The following CAPN9 variants were observed in gnomAD, a reference collection of about 807,000 sequenced individuals.
The protein encoded by CAPN9 is calpain-9.
CAPN9 carries 81 observed loss-of-function variants against 92.8 expected under a neutral mutation model. The ratio of observed to expected loss-of-function variants is 0.87; its 90% CI spans 0.73 to 1.05. The LOEUF (loss-of-function observed/expected upper bound fraction) is 1.05. Among genes scored for constraint, CAPN9 ranks in the 50% least tolerant of loss-of-function variants. The pLI, the probability that CAPN9 is intolerant of heterozygous loss-of-function variation, is 0.00. For synonymous variants in CAPN9, 304 were observed against 328.0 expected (o/e 0.93, Z 0.79); for missense variants, 848 against 866.2 (o/e 0.98, Z 0.26).
chr1:230,800,489 G>T (rs941351996), intron 19 of CAPN9, among the ~76,000 whole-genome samples: 1 of 152,110 alleles, frequency 6.6e-6, no homozygotes, highest in African/African-American at 2.4e-5. Context: ...CAGAGCACCA[G>T]CAGTGTGGAG....
At chr1:230,753,349 T>C (rs1267313253) in intron 1 of CAPN9, among the ~76,000 whole-genome samples, 1 of 152,136 alleles carries the variant, frequency 6.6e-6, no homozygotes, top group Non-Finnish European at 1.5e-5. Flanking sequence ...CTTTCTTGAG[T>C]ATTTTAGACA....
rs575240466 is a variant in CAPN9 at position 230,782,227 on chromosome 1, T to C, written c.1481+1519T>C. On this transcript the variant is annotated intron_variant, in intron 11 of 19. Transcript: ENST00000271971. Reference sequence around the variant, plus strand: ...CTGAACAAGATTCTTTAATCTGCTATGATATTGAGTATAAGAATCAGCTCT... The same window carrying C: ...CTGAACAAGATTCTTTAATCTGCTACGATATTGAGTATAAGAATCAGCTCT... Among the ~76,000 whole-genome samples the C allele has an allele frequency of 3.9e-5, 6 of 152,342 alleles. No individual in the cohort carries two copies. In the South Asian group the frequency reaches 1.2e-3, roughly 32 times the overall value.
chr1:230,795,148 C>G lies in CAPN9; in HGVS notation c.1871-15C>G. 6.4e-7 allele frequency: 1 copy of G among 1,566,516 alleles called. No individual in the cohort carries two copies. Among genetic ancestry groups the G allele is most frequent in the South Asian group, 1.1e-5 (1 of 90,084 alleles). On this transcript the variant is annotated splice_polypyrimidine_tract_variant and intron_variant, in intron 17 of 19. Coordinates refer to ENST00000271971, the MANE Select transcript of CAPN9 (RefSeq NM_006615.3). ...GGATACAGCGAGTCCTGGGTCTCCT[C>G]CTTTGTCCCCACAGGCTTTCAGCTG... is the stretch of plus-strand genomic sequence containing the variant.
intron 4 of CAPN9, 66 bp downstream of exon 4, chr1:230,762,852 G>A (rs556657593): frequency 2.2e-5 from 33 of 1,507,018 alleles, no homozygotes; most frequent in Non-Finnish European, 2.7e-5. Flanking sequence ...TCTTTGTAGT[G>A]AGCATCTAAG....
chr1:230,778,090 A>G (rs1017722282), intron 8 of CAPN9, among the ~76,000 whole-genome samples: 5 of 151,998 alleles, frequency 3.3e-5, no homozygotes, highest in Non-Finnish European at 7.4e-5. Flanking sequence ...TCACGTGCCC[A>G]AACCTGACCT....
At chr1:230,790,580 A>C (rs1244052636) in intron 14 of CAPN9, among the ~76,000 whole-genome samples, 2 of 149,348 alleles carry the variant, frequency 1.3e-5, no homozygotes, top group South Asian at 4.3e-4. Context: ...CATTTCCCCC[A>C]GCCCCAGGCA....
chr1:230,758,189 A>G (rs1665379303), intron 2 of CAPN9, among the ~76,000 whole-genome samples: 1 of 152,218 alleles, frequency 6.6e-6, no homozygotes, highest in African/African-American at 2.4e-5. Flanking sequence ...ATTTTCCTCA[A>G]CTGGGCAAAG....
intron 6 of CAPN9, among the ~76,000 whole-genome samples, chr1:230,770,401 T>C (rs1014934675): frequency 6.6e-6 from 1 of 152,206 alleles, no homozygotes; most frequent in Admixed American, 6.5e-5. Context: ...GAGGGCAATC[T>C]GTTTTACTCA....
At chr1:230,771,966 T>C (rs1460674416) in intron 6 of CAPN9, 48 bp from the exon 7 acceptor site, 2 of 1,512,014 alleles carry the variant, frequency 1.3e-6, no homozygotes, top group Non-Finnish European at 9.2e-7. Flanking sequence ...TGGCCAAACC[T>C]CCACCATATT....
At chr1:230,780,802 C>T (rs1028811720) in intron 11 of CAPN9, 94 bp downstream of exon 11, 9 of 936,538 alleles carry the variant, frequency 9.6e-6, no homozygotes, top group East Asian at 2.4e-5. Context: ...AGACTCCATT[C>T]TTCCCTTTCC....
At chr1:230,762,253 AC>A (rs1433332814) in intron 3 of CAPN9, among the ~76,000 whole-genome samples, 5 of 152,218 alleles carry the variant, frequency 3.3e-5, no homozygotes, top group Admixed American at 3.3e-4. Context: ...GGAGAGAATA[AC>A]AGAGAACTGG....
At chr1:230,769,616 C>CTAT (rs1255663506) in intron 6 of CAPN9, among the ~76,000 whole-genome samples, 6 of 115,980 alleles carry the variant, frequency 5.2e-5, no homozygotes, top group African/African-American at 1.3e-4. Flanking sequence ...CACACACACA[C>CTAT]CTATCTATCT....
chr1:230,764,507 G>T (rs753242262), intron 4 of CAPN9, among the ~76,000 whole-genome samples: 1 of 152,142 alleles, frequency 6.6e-6, no homozygotes, highest in Admixed American at 6.5e-5. Flanking sequence ...ATTTCTTGGC[G>T]TCCGTAACTA....
At chr1:230,753,485 T>C (rs1286899849) in intron 1 of CAPN9, among the ~76,000 whole-genome samples, 1 of 152,148 alleles carries the variant, frequency 6.6e-6, no homozygotes, top group Non-Finnish European at 1.5e-5. Flanking sequence ...GTCCTGATAA[T>C]CCCCTTGACT....
intron 15 of CAPN9, among the ~76,000 whole-genome samples, 181 bp downstream of exon 15, chr1:230,792,109 G>C (rs1558116965): frequency 1.3e-5 from 2 of 152,014 alleles, no homozygotes; most frequent in Non-Finnish European, 2.9e-5. Context: ...TCAGAATCAA[G>C]ATGCACAAGA....
In CAPN9 at chr1:230,801,867, C is replaced by T. The variant is rs1002535170; in HGVS notation, c.*271C>T. ...GGTTCAGGCATCACTAGCTTTCCCA[C>T]ACTCTACTTTCCTTATTTCCTTCCA... On this transcript the variant is annotated 3_prime_UTR_variant, in exon 20 of 20. Coordinates refer to ENST00000271971, the MANE Select transcript of CAPN9 (RefSeq NM_006615.3). The T allele has an allele frequency of 1.9e-6, 1 of 521,014 alleles. No individual in the cohort carries two copies. The highest frequency in any genetic ancestry group is 1.9e-5 in the African/African-American group (1 of 53,044). 32.3% of individuals were successfully genotyped at this position (521,014 alleles called of 1,614,324 possible).
intron 12 of CAPN9, 60 bp downstream of exon 12, chr1:230,786,077 C>T (rs2102912785): frequency 1.2e-6 from 2 of 1,607,942 alleles, no homozygotes; most frequent in Non-Finnish European, 1.7e-6. Flanking sequence ...GGAAACCTTC[C>T]TTCTAATCAC....
At chr1:230,796,071 G>C (rs1025366871) in intron 18 of CAPN9, among the ~76,000 whole-genome samples, 1 of 150,008 alleles carries the variant, frequency 6.7e-6, no homozygotes, top group African/African-American at 2.5e-5. Context: ...AGTGGCTCAC[G>C]CCTGTAATCC....
Position 230,769,168 on chromosome 1 carries a change from T to C in CAPN9, c.706-12T>C, listed in dbSNP as rs965660645. ...AGACGGTGGGTGTGACTCTGCTCTT[T>C]CCATGTTTTAGACCAGAAGTGCTGC... On this transcript the variant is annotated splice_polypyrimidine_tract_variant and intron_variant, in intron 5 of 19. Coordinates refer to ENST00000271971, the MANE Select transcript of CAPN9 (RefSeq NM_006615.3). 3 of 1,611,236 alleles carry C rather than the reference T, an allele frequency of 1.9e-6. No individual in the cohort carries two copies. The highest frequency in any genetic ancestry group is 1.7e-5 in the Admixed American group (1 of 59,984).
Sources: gnomAD v4.1 joint callset for allele counts (sites outside exome capture counted in the v4.1 genomes callset) on GRCh38, gnomAD v4.1.1 for gene constraint, MANE v1.5 for transcripts, NCBI Gene and HGNC (gene_info 2026-07-23, HGNC 2026-07-21) for gene names.